CTXND2: variants seen among roughly 807,000 people sequenced by gnomAD.
CTXND2 encodes cortexin domain containing 2.
intron 1 of CTXND2, among the ~76,000 whole-genome samples, chr1:150,892,583 G>A (rs1668867191): frequency 6.9e-6 from 1 of 145,008 alleles, no homozygotes; most frequent in Non-Finnish European, 1.5e-5. Flanking sequence ...ATCCAGCCTG[G>A]ATTGCAGTGG....
intron 1 of CTXND2, among the ~76,000 whole-genome samples, chr1:150,901,318 C>T (rs1429092785): frequency 6.6e-6 from 1 of 152,200 alleles, no homozygotes; most frequent in African/African-American, 2.4e-5. Flanking sequence ...TGCCAGTACT[C>T]TCTAAATTGC....
At chr1:150,912,467 A>G in exon 2 of CTXND2, 1 of 398,546 alleles carries the variant, frequency 2.5e-6, no homozygotes, top group Non-Finnish European at 4.4e-6. Context: ...CAACCACAGA[A>G]CCATCTCTGA....
intron 1 of CTXND2, among the ~76,000 whole-genome samples, chr1:150,891,820 C>T (rs1169731135): frequency 6.6e-6 from 1 of 152,138 alleles, no homozygotes. Context: ...ATTCTTAGCC[C>T]TCAATTCAAT....
chr1:150,900,004 G>A (rs932228403), intron 1 of CTXND2, among the ~76,000 whole-genome samples: 2 of 152,118 alleles, frequency 1.3e-5, no homozygotes, highest in Non-Finnish European at 2.9e-5. Flanking sequence ...GGACCAATCA[G>A]TGCTCTGTAA....
At chr1:150,900,229 G>T (rs587606525) in intron 1 of CTXND2, among the ~76,000 whole-genome samples, 1 of 152,014 alleles carries the variant, frequency 6.6e-6, no homozygotes, top group Non-Finnish European at 1.5e-5. Flanking sequence ...CTTCACTCCT[G>T]AAGTCAGTGA....
At chr1:150,903,834 T>A in intron 1 of CTXND2, 7 of 452,162 alleles carry the variant, frequency 1.5e-5, no homozygotes, top group Admixed American at 8.3e-5. Context: ...ATGGAGAGAG[T>A]GGGATGTCCG....
chr1:150,889,593 T>A (rs1175396143), intron 1 of CTXND2, among the ~76,000 whole-genome samples: 1 of 152,032 alleles, frequency 6.6e-6, no homozygotes, highest in Non-Finnish European at 1.5e-5. Flanking sequence ...TTTCTGTTAC[T>A]CACTGTGTTA....
chr1:150,911,936 C>A (rs1050124418), intron 1 of CTXND2, among the ~76,000 whole-genome samples: 1 of 152,164 alleles, frequency 6.6e-6, no homozygotes, highest in Admixed American at 6.6e-5. Flanking sequence ...TGACTTAACA[C>A]AGAATTCAGA....
chr1:150,891,418 T>C (rs2102593724), intron 1 of CTXND2, among the ~76,000 whole-genome samples: 1 of 152,286 alleles, frequency 6.6e-6, no homozygotes, highest in Middle Eastern at 3.4e-3. Flanking sequence ...TTTCACTGTG[T>C]TAGCCAGGAT....
At chr1:150,907,567 C>T (rs1669171103) in intron 1 of CTXND2, among the ~76,000 whole-genome samples, 1 of 152,164 alleles carries the variant, frequency 6.6e-6, no homozygotes, top group Non-Finnish European at 1.5e-5. Context: ...AGTTGATGGA[C>T]ATTTGAGTTG....
At chr1:150,903,833 G>T in intron 1 of CTXND2, 1 of 493,488 alleles carries the variant, frequency 2.0e-6, no homozygotes, top group Non-Finnish European at 3.9e-6. Flanking sequence ...TATGGAGAGA[G>T]TGGGATGTCC....
At chr1:150,905,105 A>ACAC (rs1669115217) in intron 1 of CTXND2, among the ~76,000 whole-genome samples, 2 of 107,164 alleles carry the variant, frequency 1.9e-5, no homozygotes, top group South Asian at 2.7e-4. Context: ...CACACACACA[A>ACAC]ATCACCCTTC....
intron 1 of CTXND2, among the ~76,000 whole-genome samples, chr1:150,908,580 A>G (rs943160401): frequency 2.0e-5 from 3 of 151,992 alleles, no homozygotes; most frequent in Non-Finnish European, 4.4e-5. Flanking sequence ...AGAAATTTCT[A>G]TTCATATCCT....
intron 1 of CTXND2, among the ~76,000 whole-genome samples, chr1:150,900,420 T>G (rs1668989619): frequency 1.3e-5 from 2 of 152,178 alleles, no homozygotes; most frequent in Admixed American, 6.6e-5. Flanking sequence ...CACACCATCT[T>G]TAAGAACTGT....
intron 1 of CTXND2, among the ~76,000 whole-genome samples, chr1:150,893,844 G>A (rs1412449424): frequency 1.3e-5 from 2 of 152,062 alleles, no homozygotes. Flanking sequence ...ATGTCCTACT[G>A]CTCAAGGTCA....
intron 1 of CTXND2, among the ~76,000 whole-genome samples, chr1:150,888,823 TG>T (rs1668808965): frequency 6.6e-6 from 1 of 151,846 alleles, no homozygotes; most frequent in Admixed American, 6.6e-5. Context: ...CCTGAGTAGC[TG>T]GGAGGGACTA....
intron 1 of CTXND2, among the ~76,000 whole-genome samples, chr1:150,905,019 TA>T (rs1181495396): frequency 1.3e-5 from 2 of 148,458 alleles, no homozygotes; most frequent in East Asian, 2.0e-4. Flanking sequence ...ACACAAATTT[TA>T]AAATTATGTG....
At chr1:150,900,072 C>G (rs955806326) in intron 1 of CTXND2, among the ~76,000 whole-genome samples, 7 of 152,252 alleles carry the variant, frequency 4.6e-5, no homozygotes, top group Admixed American at 3.9e-4. Context: ...AGCTGGCCGC[C>G]TGAGCCAGCA....
chr1:150,906,523 T>G (rs1160734451), intron 1 of CTXND2, among the ~76,000 whole-genome samples: 1 of 152,174 alleles, frequency 6.6e-6, no homozygotes, highest in African/African-American at 2.4e-5. Flanking sequence ...ATAGATGCTT[T>G]AAACTGTAGA....
Sources: gnomAD v4.1 joint callset for allele counts (sites outside exome capture counted in the v4.1 genomes callset) on GRCh38, gnomAD v4.1.1 for gene constraint, MANE v1.5 for transcripts, NCBI Gene and HGNC (gene_info 2026-07-23, HGNC 2026-07-21) for gene names.